Variants in RBFOX1 observed in about 807,000 individuals in gnomAD.
RBFOX1 encodes the protein RNA binding protein fox-1 homolog 1.
In RBFOX1, 8 loss-of-function variants were observed where a neutral mutation model predicts 57.7. The ratio of observed to expected loss-of-function variants is 0.14; its 90% CI spans 0.08 to 0.25. The LOEUF (loss-of-function observed/expected upper bound fraction) is 0.25, where lower values mean the gene tolerates loss of function less well. RBFOX1 is among the 10% of genes least tolerant of loss of function. The pLI is 1.00. For synonymous variants in RBFOX1, 326 were observed against 222.4 expected (o/e 1.47, Z -4.15); for missense variants, 611 against 548.5 (o/e 1.11, Z -1.14).
At chr16:7,395,569 A>C (rs1212231644) in intron 4 of RBFOX1, among the ~76,000 whole-genome samples, 1 of 152,232 alleles carries the variant, frequency 6.6e-6, no homozygotes, top group African/African-American at 2.4e-5. Flanking sequence ...TGCTTAAAGC[A>C]GAAAACAAGG....
chr16:6,449,222 C>G (rs1238180671), intron 2 of RBFOX1, among the ~76,000 whole-genome samples: 3 of 152,166 alleles, frequency 2.0e-5, no homozygotes, highest in Non-Finnish European at 4.4e-5. Context: ...CTAGATGGCT[C>G]TGTATTAAAA....
rs927274126 is a variant in RBFOX1, at chr16:7,381,971, G to A, written c.28-136176G>A. On this transcript the variant is annotated intron_variant, in intron 4 of 15. Transcript: ENST00000550418. ...CTCACTGTCCCCTGGGGGATGAAAT[G>A]TTTCTCCCTTTGAGAATCCTGCTTT... Among the ~76,000 whole-genome samples, 17 of 152,186 alleles carry A rather than the reference G, an allele frequency of 1.1e-4. No homozygotes were observed. The South Asian group carries it at 3.3e-3, about 30-fold the overall frequency.
chr16:5,952,468 A>T (rs1270436238), intron 4 of RBFOX1, among the ~76,000 whole-genome samples: 1 of 151,806 alleles, frequency 6.6e-6, no homozygotes, highest in Non-Finnish European at 1.5e-5. Context: ...GGTATTTTTA[A>T]TAGAGATGGG....
chr16:6,068,044 CTCAGAGT>C (rs1018322565), intron 1 of RBFOX1, among the ~76,000 whole-genome samples: 4 of 152,146 alleles, frequency 2.6e-5, no homozygotes, highest in African/African-American at 9.6e-5. Flanking sequence ...TTCTTTTATT[CTCAGAGT>C]TCTGTTTAAT....
chr16:6,737,877 C>T (rs747873313), intron 3 of RBFOX1, among the ~76,000 whole-genome samples: 3 of 151,992 alleles, frequency 2.0e-5, no homozygotes, highest in South Asian at 2.1e-4. Context: ...ATAATATTTT[C>T]GAGATGGGGG....
At chr16:7,466,048 G>T (rs1395224881) in intron 4 of RBFOX1, among the ~76,000 whole-genome samples, 3 of 152,166 alleles carry the variant, frequency 2.0e-5, no homozygotes, top group Admixed American at 2.0e-4. Flanking sequence ...CTGAGCTTAG[G>T]TTGGAGTAAA....
intron 1 of RBFOX1, among the ~76,000 whole-genome samples, chr16:6,183,486 T>TTAAATAAA (rs71142688): frequency 0.29 from 40,704 of 140,512 alleles, 6,201 homozygotes; most frequent in Admixed American, 0.35. Flanking sequence ...TCTAAAAAAA[T>TTAAATAAA]TAAATAAATA....
rs967384781 is a variant in RBFOX1 at position 6,097,184 on chromosome 16, G to A, written c.-127+77192G>A. ...TGCTGCCTTGTAAGACGTGACTTTC[G>A]CTTTCTGCCATGATTGTGAGGCCTC... On this transcript the variant is annotated intron_variant, in intron 1 of 15. Coordinates refer to ENST00000550418, the MANE Select transcript of RBFOX1 (RefSeq NM_018723.4). This position sits in a 1 kb window ranked among gnomAD's most constrained non-coding sequence, Gnocchi z 5.0. Among the ~76,000 whole-genome samples the A allele has an allele frequency of 7.2e-5, 11 of 152,098 alleles. No homozygotes were observed. The highest frequency in any genetic ancestry group is 5.8e-4 in the East Asian group (3 of 5,174).
intron 5 of RBFOX1, among the ~76,000 whole-genome samples, chr16:7,577,284 T>C (rs1448499199): frequency 6.6e-6 from 1 of 152,174 alleles, no homozygotes; most frequent in East Asian, 1.9e-4. Context: ...GACTCTTGCT[T>C]TGCACAGTGT....
intron 3 of RBFOX1, among the ~76,000 whole-genome samples, chr16:5,764,111 A>G (rs554073692): frequency 3.0e-4 from 46 of 152,186 alleles, no homozygotes; most frequent in Non-Finnish European, 6.5e-4. Flanking sequence ...AAGGCTGTGA[A>G]AGTCTTTTGC....
chr16:6,742,531 A>C (rs886287982), intron 3 of RBFOX1, among the ~76,000 whole-genome samples: 4 of 152,192 alleles, frequency 2.6e-5, no homozygotes, highest in African/African-American at 9.6e-5. Flanking sequence ...AGAAAGCTAT[A>C]CACAATTATT....
chr16:6,768,949 A>G lies in RBFOX1; in HGVS notation c.-16+114299A>G, dbSNP rs1414496045. Among the ~76,000 whole-genome samples, 4 of 152,146 alleles carry G rather than the reference A, an allele frequency of 2.6e-5. 1 individual carries two copies. In the East Asian group the frequency reaches 5.8e-4, roughly 22 times the overall value. On this transcript the variant is annotated intron_variant, in intron 3 of 15. Coordinates refer to ENST00000550418, the MANE Select transcript of RBFOX1 (RefSeq NM_018723.4). ...TCACCATGTTGGCCAGGCTGGTCTC[A>G]AACTCCTGACCTCGTGATCTGCCTG...
intron 4 of RBFOX1, among the ~76,000 whole-genome samples, chr16:7,308,242 G>A (rs1329532722): frequency 1.3e-5 from 2 of 151,468 alleles, no homozygotes; most frequent in Non-Finnish European, 2.9e-5. Context: ...CAGACAGGAT[G>A]GATGATGAGA....
intron 3 of RBFOX1, among the ~76,000 whole-genome samples, chr16:5,768,481 G>T (rs1003288709): frequency 2.0e-5 from 3 of 152,160 alleles, no homozygotes; most frequent in African/African-American, 7.2e-5. Flanking sequence ...GAAGGGGTAC[G>T]TGGCAGACAG....
At chr16:5,629,372 G>T (rs563645641) in intron 3 of RBFOX1, among the ~76,000 whole-genome samples, 1 of 152,178 alleles carries the variant, frequency 6.6e-6, no homozygotes, top group Non-Finnish European at 1.5e-5. Flanking sequence ...AACCCACACA[G>T]CTCTGCCGTG....
chr16:6,421,773 C>G (rs917108463), intron 2 of RBFOX1, among the ~76,000 whole-genome samples: 5 of 152,102 alleles, frequency 3.3e-5, no homozygotes, highest in Non-Finnish European at 5.9e-5. Flanking sequence ...TTATCTCAAC[C>G]TTGGCCCAGC....
chr16:7,290,541 C>G (rs1275709841), intron 4 of RBFOX1, among the ~76,000 whole-genome samples: 1 of 152,170 alleles, frequency 6.6e-6, no homozygotes, highest in African/African-American at 2.4e-5. Context: ...AATGAATTAA[C>G]CAACTAGTAA....
At chr16:7,155,058 T>C (rs1332414565) in intron 4 of RBFOX1, among the ~76,000 whole-genome samples, 2 of 152,146 alleles carry the variant, frequency 1.3e-5, no homozygotes, top group Non-Finnish European at 2.9e-5. Flanking sequence ...GAGGGCATCT[T>C]ATGTGTGTGT....
intron 4 of RBFOX1, among the ~76,000 whole-genome samples, chr16:7,100,147 G>C (rs1223899482): frequency 6.6e-6 from 1 of 151,966 alleles, no homozygotes; most frequent in African/African-American, 2.4e-5. Flanking sequence ...AAAAGCTTTA[G>C]AGAGGGATGC....
Sources: allele counts gnomAD v4.1 joint callset (sites outside exome capture counted in the v4.1 genomes callset), GRCh38; gene constraint gnomAD v4.1.1; non-coding constraint Gnocchi (gnomAD v3.1); transcripts MANE v1.5; gene names NCBI Gene and HGNC (gene_info 2026-07-23, HGNC 2026-07-21).